CCDC171: variants seen among roughly 807,000 people sequenced by gnomAD.
The protein encoded by CCDC171 is coiled-coil domain containing 171.
Under a neutral mutation model 168.2 loss-of-function variants are expected in CCDC171, and 177 were observed. That is an observed-to-expected ratio of 1.05 (90% CI 0.93 to 1.19). The LOEUF is 1.19. Among genes scored for constraint, CCDC171 ranks in the 50% most tolerant of loss-of-function variants. The pLI, the probability that CCDC171 is intolerant of heterozygous loss-of-function variation, is 0.00. For synonymous variants in CCDC171, 687 were observed against 540.8 expected (o/e 1.27, Z -3.75); for missense variants, 1,991 against 1,539.0 (o/e 1.29, Z -4.91).
rs374967600 is a variant in CCDC171, at chr9:15,722,838, A to T, written c.1426-843A>T. 1.4e-3 allele frequency among the ~76,000 whole-genome samples: 216 copies of T among 152,346 alleles called. 4 individuals carry two copies. Among genetic ancestry groups the T allele is most frequent in the African/African-American group, 5.1e-3 (212 of 41,584 alleles). On this transcript the variant is annotated intron_variant, in intron 12 of 25. Transcript: ENST00000380701. ...CCATCGAAATAATTAAATTTCTATG[A>T]GGAACAAATATTACGAAGTCTTTCC...
chr9:15,596,636 T>A lies in CCDC171; in HGVS notation c.675+2464T>A, dbSNP rs1436149510. ...TTGACTTGGCAATGTGGGCTCTTTTTTGGTTCCATATGAACTTTAAAGTAG... is the reference window on the plus strand; with the variant it reads ...TTGACTTGGCAATGTGGGCTCTTTTATGGTTCCATATGAACTTTAAAGTAG... On this transcript the variant is annotated intron_variant, in intron 6 of 25. Transcript: ENST00000380701. 4.6e-5 allele frequency among the ~76,000 whole-genome samples: 7 copies of A among 152,056 alleles called. No individual in the cohort carries two copies. In the South Asian group the frequency reaches 8.3e-4, roughly 18 times the overall value.
chr9:16,091,332 G>C, the CCDC171 span, among the ~76,000 whole-genome samples: 172 of 152,304 alleles, frequency 1.1e-3, no homozygotes, highest in African/African-American at 3.6e-3. Context: ...GAGATAATTA[G>C]AATTCTTCTT....
At chr9:15,600,211 C>G (rs573657129) in intron 6 of CCDC171, among the ~76,000 whole-genome samples, 1 of 152,296 alleles carries the variant, frequency 6.6e-6, no homozygotes, top group Non-Finnish European at 1.5e-5. Flanking sequence ...GGGAGAGGCA[C>G]TCTGATTTTT....
chr9:15,587,897 T>C (rs1033663640), intron 4 of CCDC171, among the ~76,000 whole-genome samples: 2 of 152,168 alleles, frequency 1.3e-5, no homozygotes, highest in African/African-American at 4.8e-5. Flanking sequence ...ATATTTCATC[T>C]ATGAAGTAAG....
chr9:15,744,372 T>C lies in CCDC171; in HGVS notation c.2149T>C (p.Leu717=). 1 of 1,614,194 alleles carries C rather than the reference T, an allele frequency of 6.2e-7. No homozygotes were observed. Among genetic ancestry groups the C allele is most frequent in the Non-Finnish European group, 8.5e-7 (1 of 1,180,018 alleles). The change falls in exon 17 of 26, where the codon TTA becomes CTA. Residue 717 remains leucine, a synonymous_variant. Coordinates refer to ENST00000380701, the MANE Select transcript of CCDC171 (RefSeq NM_173550.4). ...TGAAAATTCGCACTTCAAAAAACTG[T>C]TATCACAGACTCAAAGGGAACAGAT... is the stretch of plus-strand genomic sequence containing the variant. ...VLENSHFKKL[L]SQTQREQMSL... is the part of the protein sequence containing the mutation.
At chr9:15,899,766 A>T (rs2794634) in intron 24 of CCDC171, among the ~76,000 whole-genome samples, 2 of 151,864 alleles carry the variant, frequency 1.3e-5, no homozygotes, top group African/African-American at 2.4e-5. Context: ...AGAAACTATC[A>T]GATGTGTGGT....
At chr9:15,591,662 T>G in intron 5 of CCDC171, 106 bp downstream of exon 5, 1 of 673,050 alleles carries the variant, frequency 1.5e-6, no homozygotes, top group Middle Eastern at 4.2e-4. Context: ...TTTTCCTTCC[T>G]CCTTCCTTCC....
chr9:16,098,141 T>C, the CCDC171 span, among the ~76,000 whole-genome samples: 3 of 151,818 alleles, frequency 2.0e-5, no homozygotes, highest in Non-Finnish European at 4.4e-5. Flanking sequence ...AAGTCAGAGT[T>C]CGGCTATCTT....
At chr9:15,786,421 TCAA>T (rs2135514938) in intron 21 of CCDC171, among the ~76,000 whole-genome samples, 1 of 152,266 alleles carries the variant, frequency 6.6e-6, no homozygotes, top group Non-Finnish European at 1.5e-5. Flanking sequence ...ATATCTACCA[TCAA>T]CATTTTGATA....
At chr9:15,640,755 A>G in intron 7 of CCDC171, among the ~76,000 whole-genome samples, 1 of 152,178 alleles carries the variant, frequency 6.6e-6, no homozygotes, top group Admixed American at 6.5e-5. Flanking sequence ...TGACCCTTCA[A>G]TATATGACTC....
rs370528371 is a variant in CCDC171 at position 15,594,087 on chromosome 9, A to C, written c.590A>C (p.His197Pro). ...CGGGAGAAGAATGAGATGGAGTCTC[A>C]TATCAGGGAGACAGCATTGGAGGAG... Reference protein sequence around the residue: ...HQREKNEMESHIRETALEEFR... With the variant: ...HQREKNEMESPIRETALEEFR... Residue 197 changes from histidine to proline, a missense_variant, in exon 6 of 26, where the codon CAT becomes CCT. Physicochemically the swap from His to Pro is moderately conservative, Grantham distance 77 (BLOSUM62 -2). Transcript: ENST00000380701. 6.3e-6 allele frequency: 10 copies of C among 1,579,894 alleles called. No individual in the cohort carries two copies. The Admixed American group carries it at 8.6e-5, about 14-fold the overall frequency.
At chr9:16,049,129 G>A (rs546849526) in intron 1 of CCDC171, among the ~76,000 whole-genome samples, 1 of 152,134 alleles carries the variant, frequency 6.6e-6, no homozygotes, top group East Asian at 1.9e-4. Context: ...CCTGAAAGCC[G>A]AATTCTAGGG....
intron 6 of CCDC171, among the ~76,000 whole-genome samples, chr9:15,606,011 A>C (rs543848696): frequency 6.6e-6 from 1 of 152,148 alleles, no homozygotes; most frequent in South Asian, 2.1e-4. Flanking sequence ...TTCTATACAC[A>C]CACATACCTA....
At chr9:15,754,711 A>C (rs2055988702) in intron 18 of CCDC171, among the ~76,000 whole-genome samples, 1 of 152,160 alleles carries the variant, frequency 6.6e-6, no homozygotes, top group Non-Finnish European at 1.5e-5. Context: ...TCCTGTGTGC[A>C]TCAATTTGTT....
the CCDC171 span, among the ~76,000 whole-genome samples, chr9:16,080,294 T>C: frequency 6.6e-6 from 1 of 152,302 alleles, no homozygotes; most frequent in South Asian, 2.1e-4. Context: ...GCTAATCATT[T>C]TATTGGTTTT....
chr9:15,597,089 A>C (rs2042429415), intron 6 of CCDC171, among the ~76,000 whole-genome samples: 2 of 152,114 alleles, frequency 1.3e-5, no homozygotes, highest in African/African-American at 4.8e-5. Flanking sequence ...TGTCATCTGC[A>C]AACAGGGACA....
chr9:15,777,933 T>C, intron 19 of CCDC171, 107 bp downstream of exon 19: 1 of 702,540 alleles, frequency 1.4e-6, no homozygotes, highest in Non-Finnish European at 2.2e-6. Flanking sequence ...TGTATCTGGA[T>C]TTTCTTTATA....
At chr9:16,092,289 G>A in the CCDC171 span, among the ~76,000 whole-genome samples, 1 of 152,176 alleles carries the variant, frequency 6.6e-6, no homozygotes, top group Non-Finnish European at 1.5e-5. Flanking sequence ...ACTCTCAAAT[G>A]AGTTCAGGTT....
the CCDC171 span, among the ~76,000 whole-genome samples, chr9:16,077,788 GA>G: frequency 6.6e-6 from 1 of 152,204 alleles, no homozygotes; most frequent in African/African-American, 2.4e-5. Context: ...TGCATTCCCT[GA>G]ACAGGGTTGC....
Sources: gnomAD v4.1 joint callset for allele counts (sites outside exome capture counted in the v4.1 genomes callset) on GRCh38, gnomAD v4.1.1 for gene constraint, MANE v1.5 for transcripts, NCBI Gene and HGNC (gene_info 2026-07-23, HGNC 2026-07-21) for gene names.